The following TAAR5 variants were observed in gnomAD, a reference collection of about 807,000 sequenced individuals.
TAAR5 encodes trace amine-associated receptor 5.
TAAR5 carries 27 observed loss-of-function variants against 21.1 expected under a neutral mutation model. The observed-to-expected ratio is 1.28, with a 90% CI of 0.94 to 1.76. The LOEUF is 1.76. Ranked by LOEUF, TAAR5 falls within the 40% of genes most tolerant of loss-of-function variation. The probability of loss-of-function intolerance (pLI) is 0.00; values close to 1 mark genes in which losing one functional copy is unlikely to be tolerated. For synonymous variants in TAAR5, 203 were observed against 167.5 expected (o/e 1.21, Z -1.64); for missense variants, 495 against 405.6 (o/e 1.22, Z -1.89).
Position 132,588,984 on chromosome 6 carries a change from T to C in TAAR5, c.703A>G (p.Thr235Ala). Reference protein sequence around the residue: ...VATRQAQQITTLSKSLAGAAK... With the variant: ...VATRQAQQITALSKSLAGAAK... Reference sequence around the variant, plus strand: ...GCCCCAGCCAGGCTTTTGCTCAATGTGGTAATCTGCTGAGCCTGTCTGGTA... The same window carrying C: ...GCCCCAGCCAGGCTTTTGCTCAATGCGGTAATCTGCTGAGCCTGTCTGGTA... Residue 235 changes from threonine (T) to alanine (A), a missense_variant, in exon 1 of 1, where the codon ACA becomes GCA. Coordinates refer to ENST00000258034, the MANE Select transcript of TAAR5 (RefSeq NM_003967.3). 6.2e-7 allele frequency: 1 copy of C among 1,614,010 alleles called. No individual in the cohort carries two copies. Among genetic ancestry groups the C allele is most frequent in the Non-Finnish European group, 8.5e-7 (1 of 1,179,980 alleles).
Position 132,589,124 on chromosome 6 carries a change from C to A in TAAR5, c.563G>T (p.Cys188Phe). ...RLSQWLEEMP[C>F]VGSCQLLLNK... The stretch of plus-strand genomic sequence containing the variant: ...GAGCAGCAGCTGGCAACTGCCCACA[C>A]AAGGCATCTCTTCCAGCCACTGGCT... The change falls in exon 1 of 1, where the codon TGT becomes TTT. Residue 188 changes from cysteine to phenylalanine, a missense_variant. Transcript: ENST00000258034. 1 of 1,612,824 alleles carries A rather than the reference C, an allele frequency of 6.2e-7. No homozygotes were observed. The highest frequency in any genetic ancestry group is 8.5e-7 in the Non-Finnish European group (1 of 1,179,350).
chr6:132,616,154 T>C, the TAAR5 span, among the ~76,000 whole-genome samples: 1 of 152,188 alleles, frequency 6.6e-6, no homozygotes, highest in African/African-American at 2.4e-5. Flanking sequence ...GTATATACCA[T>C]GGAAATCATC....
chr6:132,613,105 A>G, the TAAR5 span, among the ~76,000 whole-genome samples: 4 of 152,222 alleles, frequency 2.6e-5, no homozygotes, highest in African/African-American at 7.2e-5. Flanking sequence ...GGAGAAGTCC[A>G]TAAACGAAAT....
upstream of TAAR5, among the ~76,000 whole-genome samples, chr6:132,592,607 G>A (rs148485178): frequency 4.7e-4 from 72 of 152,262 alleles, no homozygotes; most frequent in South Asian, 4.1e-3. Context: ...CTTTGGTGCT[G>A]TTCTTTTGAT....
chr6:132,596,178 C>T, the TAAR5 span, among the ~76,000 whole-genome samples: 1 of 152,156 alleles, frequency 6.6e-6, no homozygotes, highest in African/African-American at 2.4e-5. Flanking sequence ...TGAATTCAAG[C>T]TCAAGTTGAG....
the TAAR5 span, among the ~76,000 whole-genome samples, chr6:132,598,802 T>G: frequency 1.3e-5 from 2 of 151,910 alleles, no homozygotes; most frequent in Non-Finnish European, 2.9e-5. Flanking sequence ...CAACAAGGAC[T>G]AGCCTCACAC....
the TAAR5 span, among the ~76,000 whole-genome samples, chr6:132,604,231 C>T: frequency 6.7e-6 from 1 of 149,268 alleles, no homozygotes; most frequent in East Asian, 2.0e-4. Context: ...GCAACCTCTG[C>T]CTCCTGGGTT....
At chr6:132,602,940 A>G in the TAAR5 span, among the ~76,000 whole-genome samples, 1 of 152,132 alleles carries the variant, frequency 6.6e-6, no homozygotes, top group African/African-American at 2.4e-5. Flanking sequence ...GTTAACCTCA[A>G]CCTCATTGAG....
At chr6:132,600,066 G>C in the TAAR5 span, among the ~76,000 whole-genome samples, 78,573 of 151,974 alleles carry the variant, frequency 0.52, 21,378 homozygotes, top group African/African-American at 0.69. Context: ...ATTGGGGAAA[G>C]AAGTAGTGGT....
chr6:132,608,083 T>C, the TAAR5 span: 7 of 328,834 alleles, frequency 2.1e-5, no homozygotes, highest in Non-Finnish European at 4.1e-5. Flanking sequence ...TAGTCAAAGA[T>C]AGTGAATGTA....
upstream of TAAR5, among the ~76,000 whole-genome samples, chr6:132,591,556 C>T (rs1340560531): frequency 6.6e-6 from 1 of 152,196 alleles, no homozygotes. Flanking sequence ...ACATATCTGG[C>T]TCCAGAACTT....
chr6:132,609,095 G>A, the TAAR5 span: 5 of 446,672 alleles, frequency 1.1e-5, no homozygotes, highest in South Asian at 4.8e-5. Flanking sequence ...GGAGAGTGAA[G>A]CTGTTTGAAA....
At chr6:132,605,775 C>T in the TAAR5 span, among the ~76,000 whole-genome samples, 3 of 152,212 alleles carry the variant, frequency 2.0e-5, no homozygotes, top group East Asian at 3.9e-4. Flanking sequence ...AGATAAACAT[C>T]GAAGTTATTT....
At chr6:132,596,847 A>G in the TAAR5 span, among the ~76,000 whole-genome samples, 2 of 152,290 alleles carry the variant, frequency 1.3e-5, no homozygotes, top group South Asian at 2.1e-4. Context: ...AAAGGCTGCA[A>G]ATAATCAAAT....
chr6:132,593,679 G>C (rs1481057587), upstream of TAAR5, among the ~76,000 whole-genome samples: 1 of 152,110 alleles, frequency 6.6e-6, no homozygotes, highest in African/African-American at 2.4e-5. Context: ...TGAAAGACAT[G>C]GACGCATCCC....
chr6:132,614,107 T>C, the TAAR5 span, among the ~76,000 whole-genome samples: 3 of 152,212 alleles, frequency 2.0e-5, no homozygotes, highest in Non-Finnish European at 2.9e-5. Flanking sequence ...AAGAAGCAGA[T>C]TTTTAAAGGT....
At chr6:132,595,272 C>T in the TAAR5 span, 1 of 153,166 alleles carries the variant, frequency 6.5e-6, no homozygotes, top group Non-Finnish European at 1.5e-5. Flanking sequence ...CGATGGAAAT[C>T]ATTACGATCA....
At chr6:132,599,410 C>T in the TAAR5 span, among the ~76,000 whole-genome samples, 2 of 148,544 alleles carry the variant, frequency 1.3e-5, no homozygotes, top group Non-Finnish European at 3.0e-5. Context: ...CTTGCTGCAA[C>T]CTTCACCTCC....
the TAAR5 span, among the ~76,000 whole-genome samples, chr6:132,598,436 T>C: frequency 2.0e-5 from 3 of 151,952 alleles, no homozygotes; most frequent in African/African-American, 7.3e-5. Context: ...TTGCCAAAAT[T>C]TGGCTAATTA....
Sources: allele counts gnomAD v4.1 joint callset (sites outside exome capture counted in the v4.1 genomes callset), GRCh38; gene constraint gnomAD v4.1.1; transcripts MANE v1.5; gene names NCBI Gene and HGNC (gene_info 2026-07-23, HGNC 2026-07-21).